The following NDUFS1 variants were observed in gnomAD, a reference collection of about 807,000 sequenced individuals.
The protein encoded by NDUFS1 is NADH-ubiquinone oxidoreductase 75 kDa subunit, mitochondrial.
NDUFS1 carries 61 observed loss-of-function variants against 84.4 expected under a neutral mutation model. The ratio of observed to expected loss-of-function variants is 0.72; its 90% confidence interval spans 0.59 to 0.89. The LOEUF (loss-of-function observed/expected upper bound fraction) is 0.89. NDUFS1 is among the 40% of genes least tolerant of loss of function. The pLI is 0.00. For missense variants in NDUFS1, 891 were observed against 890.0 expected (o/e 1.00, Z -0.01); for synonymous variants, 275 against 290.0 (o/e 0.95, Z 0.53).
intron 13 of NDUFS1, 115 bp downstream of exon 13, chr2:206,138,370 C>G: frequency 2.4e-6 from 3 of 1,244,462 alleles, no homozygotes; most frequent in Non-Finnish European, 3.4e-6. Flanking sequence ...CGTGAGCCAC[C>G]GCGCCCAACC....
At position 206,133,009 on chromosome 2, in the gene NDUFS1, C is replaced by A. The variant is rs751196227; in HGVS notation, c.1489G>T (p.Ala497Ser). 1 of 1,613,720 alleles carries A rather than the reference C, an allele frequency of 6.2e-7. No homozygotes were observed. The highest frequency in any genetic ancestry group is 1.7e-5 in the Admixed American group (1 of 59,990). ...AAILAAVSSI[A>S]QKIRMTSGVT... ...CCACTAGTCATCCGAATCTTTTGTGCAATGCTAGAAACAGCTGCAAGAATT... is the reference window on the plus strand; with the variant it reads ...CCACTAGTCATCCGAATCTTTTGTGAAATGCTAGAAACAGCTGCAAGAATT... The change falls in exon 14 of 19, where the codon GCA (alanine) becomes TCA (serine). Residue 497 changes from alanine to serine, a missense_variant. Coordinates refer to ENST00000233190, the MANE Select transcript of NDUFS1 (RefSeq NM_005006.7).
intron 16 of NDUFS1, among the ~76,000 whole-genome samples, chr2:206,127,378 T>C (rs1691333630): frequency 6.6e-6 from 1 of 152,074 alleles, no homozygotes; most frequent in South Asian, 2.1e-4. Flanking sequence ...CTACTAAAAA[T>C]ATAAAAATTA....
intron 1 of NDUFS1, chr2:206,159,068 G>A: frequency 6.5e-7 from 1 of 1,535,160 alleles, no homozygotes; most frequent in South Asian, 1.2e-5. Context: ...AATTTTCCCT[G>A]CAGAGGGAAG....
rs553243825 is a variant in NDUFS1 at position 206,120,073 on chromosome 2, T to C, written c.*4112A>G. On this transcript the variant is annotated 3_prime_UTR_variant, in exon 19 of 19. Coordinates refer to ENST00000233190, the MANE Select transcript of NDUFS1 (RefSeq NM_005006.7). ...CTCTCTCTTGCTCCCTCTCTCACCA[T>C]GTGATATGCTCGCTCCCATTTTGCC... 27 of 152,332 alleles carry C rather than the reference T, an allele frequency of 1.8e-4. No individual in the cohort carries two copies. Among genetic ancestry groups the C allele is most frequent in the African/African-American group, 6.5e-4 (27 of 41,572 alleles). The allele number at this position is 152,332 out of a possible 1,614,324, so 9.4% of individuals were successfully genotyped here.
At chr2:206,128,600 A>G (rs565086199) in intron 15 of NDUFS1, among the ~76,000 whole-genome samples, 2 of 151,940 alleles carry the variant, frequency 1.3e-5, no homozygotes, top group South Asian at 4.1e-4. Context: ...CAACATGGCA[A>G]AACTGCATCT....
intron 8 of NDUFS1, 32 bp downstream of exon 8, chr2:206,146,870 CA>C: frequency 1.9e-6 from 3 of 1,597,786 alleles, no homozygotes; most frequent in Non-Finnish European, 2.6e-6. Context: ...GAATTAAGGA[CA>C]AAAAAACAAA....
chr2:206,157,086 G>C (rs767620976), intron 1 of NDUFS1, among the ~76,000 whole-genome samples: 26 of 152,070 alleles, frequency 1.7e-4, no homozygotes, highest in Admixed American at 3.3e-4. Context: ...CAAGTAGCTG[G>C]GATTACAGGC....
chr2:206,147,045 C>T lies in NDUFS1; in HGVS notation c.595G>A (p.Gly199Ser). The change falls in exon 8 of 19, where the codon GGC becomes AGC. Residue 199 changes from glycine to serine, a missense_variant. Physicochemically the swap from Gly to Ser is moderately conservative, Grantham distance 56. Transcript: ENST00000233190. ...IAGVDDLGTT[G>S]RGNDMQVGTY... ...CCAACTTGCATATCATTTCCTCTGC[C>T]TGTTGTTCCCAAATCATCTACTCCT... 1 of 1,614,072 alleles carries T rather than the reference C, an allele frequency of 6.2e-7. No individual in the cohort carries two copies. Among genetic ancestry groups the T allele is most frequent in the Non-Finnish European group, 8.5e-7 (1 of 1,180,014 alleles).
chr2:206,156,113 A>T (rs1687640452), intron 1 of NDUFS1, among the ~76,000 whole-genome samples: 1 of 151,668 alleles, frequency 6.6e-6, no homozygotes, highest in South Asian at 2.1e-4. Flanking sequence ...AATACAAAAA[A>T]ATAGCCGGGC....
At chr2:206,128,461 C>T (rs1691380406) in intron 15 of NDUFS1, among the ~76,000 whole-genome samples, 2 of 150,966 alleles carry the variant, frequency 1.3e-5, no homozygotes, top group Admixed American at 6.6e-5. Flanking sequence ...CCACCGCGCC[C>T]GGCCCCAAAG....
intron 13 of NDUFS1, among the ~76,000 whole-genome samples, chr2:206,135,294 G>A (rs994315623): frequency 2.6e-5 from 4 of 152,102 alleles, no homozygotes; most frequent in Admixed American, 6.6e-5. Flanking sequence ...CCAAAGTGCT[G>A]GGATTACAGG....
At chr2:206,141,658 T>A (rs922185110) in intron 12 of NDUFS1, among the ~76,000 whole-genome samples, 5 of 149,430 alleles carry the variant, frequency 3.3e-5, no homozygotes, top group African/African-American at 1.2e-4. Context: ...TTTGGGAGGC[T>A]GAGGCGGGCG....
intron 8 of NDUFS1, among the ~76,000 whole-genome samples, chr2:206,145,761 C>T (rs1311624355): frequency 2.0e-5 from 3 of 152,168 alleles, no homozygotes; most frequent in African/African-American, 7.2e-5. Flanking sequence ...GGAATTTCTT[C>T]GAGGCCGGGG....
At chr2:206,125,969 T>G (rs1292120841) in intron 18 of NDUFS1, among the ~76,000 whole-genome samples, 2 of 152,196 alleles carry the variant, frequency 1.3e-5, no homozygotes, top group African/African-American at 4.8e-5. Flanking sequence ...AATACTTATT[T>G]AAAAAATCTT....
intron 1 of NDUFS1, 188 bp downstream of exon 1, chr2:206,159,153 G>C (rs551232252): frequency 2.0e-6 from 3 of 1,535,538 alleles, no homozygotes; most frequent in African/African-American, 2.7e-5. Context: ...TGCTTCATCA[G>C]ACCAGAGACC....
chr2:206,127,783 C>A lies in NDUFS1; in HGVS notation c.1884+14G>T. On this transcript the variant is annotated intron_variant, in intron 16 of 18. Coordinates refer to ENST00000233190, the MANE Select transcript of NDUFS1 (RefSeq NM_005006.7). ...CTTTAGTAGCATCACTAAGAAATGA[C>A]TCAGAAATTATACCTCAGAGAGTGC... is the stretch of plus-strand genomic sequence containing the variant. 6.2e-7 allele frequency: 1 copy of A among 1,613,478 alleles called. No homozygotes were observed. Among genetic ancestry groups the A allele is most frequent in the Non-Finnish European group, 8.5e-7 (1 of 1,179,708 alleles).
At chr2:206,124,318 T>C (rs1409847794) in intron 18 of NDUFS1, 42 bp from the exon 19 acceptor site, 1 of 1,478,034 alleles carries the variant, frequency 6.8e-7, no homozygotes, top group South Asian at 1.1e-5. Flanking sequence ...AATACAACTT[T>C]TTAAAAAGCA....
rs1691167089 is a variant in NDUFS1 at position 206,123,543 on chromosome 2, T to C, written c.*642A>G. The C allele has an allele frequency of 6.6e-6, 1 of 152,240 alleles. No homozygotes were observed. Among genetic ancestry groups the C allele is most frequent in the African/African-American group, 2.4e-5 (1 of 41,460 alleles). The allele number at this position is 152,240 out of a possible 1,614,324, so 9.4% of individuals were successfully genotyped here. ...AGAAGTAGGTTTGAGTTGGTGACTT[T>C]TGCTGTGTGGCCTTGGGCAAGCTAT... On this transcript the variant is annotated 3_prime_UTR_variant, in exon 19 of 19. Transcript: ENST00000233190.
intron 8 of NDUFS1, 131 bp from the exon 9 acceptor site, chr2:206,145,157 G>T: frequency 1.1e-6 from 1 of 879,378 alleles, no homozygotes; most frequent in Non-Finnish European, 1.7e-6. Flanking sequence ...AAGCTTAGAG[G>T]AACTGCAATT....
Sources: gnomAD v4.1 joint callset for allele counts (sites outside exome capture counted in the v4.1 genomes callset) on GRCh38, gnomAD v4.1.1 for gene constraint, MANE v1.5 for transcripts, NCBI Gene and HGNC (gene_info 2026-07-23, HGNC 2026-07-21) for gene names.